Variants in CADM2 observed in about 807,000 individuals in gnomAD.
The protein encoded by CADM2 is cell adhesion molecule 2, also known as immunoglobulin superfamily member 4D.
Under a neutral mutation model 49.8 loss-of-function variants are expected in CADM2, and 12 were observed. That is an observed-to-expected ratio of 0.24 (90% CI 0.15 to 0.39). The LOEUF (loss-of-function observed/expected upper bound fraction) is 0.39, where lower values mean the gene tolerates loss of function less well. CADM2 is among the 10% of genes least tolerant of loss of function. The pLI is 1.00. For synonymous variants in CADM2, 214 were observed against 175.4 expected, an observed-to-expected ratio of 1.22 and a Z score of -1.74; for missense variants, 378 against 492.3, an observed-to-expected ratio of 0.77 and a Z score of 2.20.
intron 1 of CADM2, among the ~76,000 whole-genome samples, chr3:85,187,922 T>C (rs1424244668): frequency 1.3e-5 from 2 of 151,942 alleles, no homozygotes; most frequent in Non-Finnish European, 2.9e-5. Flanking sequence ...TAATTAGGAG[T>C]GTTTTCATCT....
chr3:85,437,551 G>A (rs1369715738), intron 1 of CADM2, among the ~76,000 whole-genome samples: 1 of 152,082 alleles, frequency 6.6e-6, no homozygotes, highest in Non-Finnish European at 1.5e-5. Flanking sequence ...ACTCTAAGAG[G>A]TATGTAATGG....
intron 8 of CADM2, among the ~76,000 whole-genome samples, chr3:85,974,729 G>A (rs563309195): frequency 6.6e-6 from 1 of 151,648 alleles, no homozygotes; most frequent in Admixed American, 6.6e-5. Flanking sequence ...GCATTTATTG[G>A]CAACCCAGCG....
At chr3:85,975,226 G>C (rs4287911) in intron 8 of CADM2, among the ~76,000 whole-genome samples, 2 of 151,132 alleles carry the variant, frequency 1.3e-5, no homozygotes, top group African/African-American at 4.8e-5. Context: ...ACCATGATAT[G>C]TGGTATTTAG....
intron 6 of CADM2, among the ~76,000 whole-genome samples, chr3:85,912,798 C>A (rs988809790): frequency 1.3e-5 from 2 of 152,024 alleles, no homozygotes; most frequent in Non-Finnish European, 2.9e-5. Flanking sequence ...TGTGGCTTAA[C>A]GTAGGCGTGC....
intron 8 of CADM2, among the ~76,000 whole-genome samples, chr3:86,017,348 C>A (rs1020867858): frequency 6.6e-6 from 1 of 151,818 alleles, no homozygotes; most frequent in South Asian, 2.1e-4. Context: ...ATTATTTACA[C>A]AAGAGCTCAA....
chr3:86,037,313 T>C (rs1416322421), intron 8 of CADM2, among the ~76,000 whole-genome samples: 2 of 152,170 alleles, frequency 1.3e-5, no homozygotes, highest in Non-Finnish European at 2.9e-5. Flanking sequence ...CAAGAAGAAA[T>C]GTTGGCAATA....
chr3:85,383,591 C>A (rs1317649675), intron 1 of CADM2, among the ~76,000 whole-genome samples: 1 of 147,808 alleles, frequency 6.8e-6, no homozygotes, highest in Non-Finnish European at 1.5e-5. Flanking sequence ...TAACTGACCA[C>A]TAACCATTTC....
At chr3:84,981,728 C>A (rs2107137823) in intron 1 of CADM2, among the ~76,000 whole-genome samples, 1 of 152,000 alleles carries the variant, frequency 6.6e-6, no homozygotes, top group Non-Finnish European at 1.5e-5. Flanking sequence ...TGCAAAGAGT[C>A]TTTCTCTTTG....
chr3:85,961,477 C>A lies in CADM2; in HGVS notation c.800C>A (p.Pro267His), dbSNP rs762651968. Reference protein sequence around the residue: ...CESKGKPLPEPVLWTKDGGEL... With the variant: ...CESKGKPLPEHVLWTKDGGEL... ...ATGTTTCAATCCAATAGGCCAGAACCTGTTTTGTGGACAAAGGATGGCGGA... is the reference window on the plus strand; with the variant it reads ...ATGTTTCAATCCAATAGGCCAGAACATGTTTTGTGGACAAAGGATGGCGGA... The change falls in exon 8 of 10, where the codon CCT (proline) becomes CAT (histidine). Residue 267 changes from proline to histidine, a missense_variant. Transcript: ENST00000383699. 2 of 1,593,022 alleles carry A rather than the reference C, an allele frequency of 1.3e-6. No homozygotes were observed. The highest frequency in any genetic ancestry group is 1.7e-5 in the Admixed American group (1 of 59,504).
intron 1 of CADM2, among the ~76,000 whole-genome samples, chr3:85,568,218 G>T (rs2062326352): frequency 6.6e-6 from 1 of 152,158 alleles, no homozygotes; most frequent in Non-Finnish European, 1.5e-5. Flanking sequence ...CTACTACTGA[G>T]ACAGACTACA....
intron 1 of CADM2, among the ~76,000 whole-genome samples, chr3:85,674,209 A>T (rs1045366267): frequency 1.3e-5 from 2 of 152,174 alleles, no homozygotes; most frequent in African/African-American, 4.8e-5. Flanking sequence ...GCACATATAA[A>T]CTTGAAATAA....
chr3:85,596,059 A>C lies in CADM2; in HGVS notation c.62-130463A>C, dbSNP rs566470737. Reference sequence around the variant, plus strand: ...TAAATTAATTACTATATGATTTATCATGACATAATTATTTTATATTTTTGC... The same window carrying C: ...TAAATTAATTACTATATGATTTATCCTGACATAATTATTTTATATTTTTGC... On this transcript the variant is annotated intron_variant, in intron 1 of 9. Transcript: ENST00000383699. Among the ~76,000 whole-genome samples the C allele has an allele frequency of 2.0e-5, 3 of 152,090 alleles. No individual in the cohort carries two copies. In the South Asian group the frequency reaches 6.2e-4, roughly 31 times the overall value.
intron 1 of CADM2, among the ~76,000 whole-genome samples, chr3:85,509,405 A>AT (rs1456356654): frequency 6.6e-6 from 1 of 152,142 alleles, no homozygotes; most frequent in East Asian, 1.9e-4. Flanking sequence ...CAATATTGCA[A>AT]TTTATATCCT....
In CADM2 at chr3:85,134,111, G is replaced by T. The variant is rs551131444; in HGVS notation, c.61+174443G>T. Among the ~76,000 whole-genome samples, 1,051 of 152,352 alleles carry T rather than the reference G, an allele frequency of 6.9e-3. 10 individuals are homozygous for T. Among genetic ancestry groups the T allele is most frequent in the African/African-American group, 0.023 (961 of 41,586 alleles). On this transcript the variant is annotated intron_variant, in intron 1 of 9. Transcript: ENST00000383699. ...CCGCAGCCGCTGGCCCAGGTGCTAA[G>T]CCCCTCATTGCCTGGGGCCCGCAGG...
At chr3:85,535,800 G>C (rs1308210622) in intron 1 of CADM2, among the ~76,000 whole-genome samples, 1 of 152,060 alleles carries the variant, frequency 6.6e-6, no homozygotes, top group African/African-American at 2.4e-5. Flanking sequence ...TTTATTCCTG[G>C]AAGCCACTGA....
intron 5 of CADM2, among the ~76,000 whole-genome samples, chr3:85,890,048 T>C (rs1460636648): frequency 6.6e-6 from 1 of 152,164 alleles, no homozygotes; most frequent in Non-Finnish European, 1.5e-5. Flanking sequence ...TCAGTCGATC[T>C]AGAGGTTTAT....
At chr3:85,531,077 A>T (rs1230650774) in intron 1 of CADM2, among the ~76,000 whole-genome samples, 1 of 152,120 alleles carries the variant, frequency 6.6e-6, no homozygotes, top group African/African-American at 2.4e-5. Context: ...GTTTCCATTC[A>T]CGACTTAGCA....
chr3:85,569,206 T>C (rs2062404508), intron 1 of CADM2, among the ~76,000 whole-genome samples: 1 of 152,122 alleles, frequency 6.6e-6, no homozygotes, highest in Non-Finnish European at 1.5e-5. Context: ...ACACTGGATG[T>C]ACCTTTTAGA....
At chr3:86,007,305 CA>C (rs1465737961) in intron 8 of CADM2, among the ~76,000 whole-genome samples, 1 of 151,758 alleles carries the variant, frequency 6.6e-6, no homozygotes, top group African/African-American at 2.4e-5. Flanking sequence ...ATGATTATAA[CA>C]ATAATGGTGA....
Sources: gnomAD v4.1 joint callset for allele counts (sites outside exome capture counted in the v4.1 genomes callset) on GRCh38, gnomAD v4.1.1 for gene constraint, MANE v1.5 for transcripts, NCBI Gene and HGNC (gene_info 2026-07-23, HGNC 2026-07-21) for gene names.